FBXL7: variants seen among roughly 807,000 people sequenced by gnomAD.
FBXL7 encodes the protein F-box/LRR-repeat protein 7.
Under a neutral mutation model 38.3 loss-of-function variants are expected in FBXL7, and 12 were observed. That is an observed-to-expected ratio of 0.31 (90% CI 0.20 to 0.51). The LOEUF (loss-of-function observed/expected upper bound fraction) is 0.51. Among genes scored for constraint, FBXL7 ranks in the 20% least tolerant of loss-of-function variants. The pLI is 0.98. For synonymous variants in FBXL7, 297 were observed against 300.9 expected (o/e 0.99, Z 0.13); for missense variants, 567 against 676.4 (o/e 0.84, Z 1.79).
At chr5:15,509,977 T>C (rs978909763) in intron 1 of FBXL7, among the ~76,000 whole-genome samples, 3 of 152,206 alleles carry the variant, frequency 2.0e-5, no homozygotes, top group Non-Finnish European at 4.4e-5. Context: ...TTTTCCTGGG[T>C]AATGAAAAAC....
At chr5:15,669,880 A>G (rs1458104857) in intron 2 of FBXL7, among the ~76,000 whole-genome samples, 1 of 152,166 alleles carries the variant, frequency 6.6e-6, no homozygotes, top group Non-Finnish European at 1.5e-5. Flanking sequence ...ATATATCTCC[A>G]TTTCACTGAT....
intron 2 of FBXL7, among the ~76,000 whole-genome samples, chr5:15,670,427 A>G (rs1481918478): frequency 6.6e-6 from 1 of 152,200 alleles, no homozygotes; most frequent in African/African-American, 2.4e-5. Flanking sequence ...CCTTCATTAC[A>G]GCAGAGCCAT....
chr5:15,779,873 C>T (rs1361836694), intron 2 of FBXL7, among the ~76,000 whole-genome samples: 1 of 152,162 alleles, frequency 6.6e-6, no homozygotes, highest in Non-Finnish European at 1.5e-5. Flanking sequence ...GAACCACTTA[C>T]TCTTGGAATA....
At chr5:15,926,733 A>G (rs1741885493) in intron 2 of FBXL7, among the ~76,000 whole-genome samples, 1 of 152,138 alleles carries the variant, frequency 6.6e-6, no homozygotes, top group Non-Finnish European at 1.5e-5. Flanking sequence ...GTTAATAAGA[A>G]GAAAAAATAA....
chr5:15,525,677 T>C (rs1426420713), intron 1 of FBXL7, among the ~76,000 whole-genome samples: 1 of 152,148 alleles, frequency 6.6e-6, no homozygotes, highest in Non-Finnish European at 1.5e-5. Context: ...GGCATGCATC[T>C]GTAGCCAAGG....
chr5:15,654,900 T>C (rs1353817561), intron 2 of FBXL7, among the ~76,000 whole-genome samples: 1 of 152,242 alleles, frequency 6.6e-6, no homozygotes, highest in African/African-American at 2.4e-5. Flanking sequence ...ATAAACTACA[T>C]GTTGAAAATT....
intron 2 of FBXL7, among the ~76,000 whole-genome samples, chr5:15,881,331 C>T (rs919856615): frequency 2.6e-5 from 4 of 152,194 alleles, no homozygotes; most frequent in Admixed American, 6.5e-5. Flanking sequence ...CCAGTACCAT[C>T]CACGTTGCTG....
rs139057434 is a variant in FBXL7 at position 15,620,225 on chromosome 5, T to G, written c.127+4153T>G. On this transcript the variant is annotated intron_variant, in intron 2 of 3. Transcript: ENST00000504595. ...ATCTGAGTCATCACAAACTATTCTT[T>G]TTTTCTTTTTTTTTTTTTTTTGTTG... Among the ~76,000 whole-genome samples the G allele has an allele frequency of 6.6e-4, 98 of 149,482 alleles. 1 individual carries two copies. Among genetic ancestry groups the G allele is most frequent in the African/African-American group, 2.3e-3 (94 of 40,450 alleles).
chr5:15,890,607 C>T (rs111429307), intron 2 of FBXL7, among the ~76,000 whole-genome samples: 3 of 152,216 alleles, frequency 2.0e-5, no homozygotes, highest in East Asian at 1.9e-4. Flanking sequence ...CTAGGTTGCA[C>T]GCCCTTTATG....
At chr5:15,680,975 G>A (rs1336960927) in intron 2 of FBXL7, among the ~76,000 whole-genome samples, 1 of 152,080 alleles carries the variant, frequency 6.6e-6, no homozygotes, top group African/African-American at 2.4e-5. Context: ...ACAAAATGAT[G>A]ACTATCTTTT....
At chr5:15,771,792 T>G (rs1415469567) in intron 2 of FBXL7, among the ~76,000 whole-genome samples, 1 of 109,646 alleles carries the variant, frequency 9.1e-6, no homozygotes, top group South Asian at 3.2e-4. Flanking sequence ...TTTTTTTTTT[T>G]GAGACAGAGT....
intron 2 of FBXL7, among the ~76,000 whole-genome samples, chr5:15,890,398 C>A (rs1028502487): frequency 6.6e-6 from 1 of 151,998 alleles, no homozygotes; most frequent in Admixed American, 6.6e-5. Flanking sequence ...ACAGGCATGA[C>A]GCCCAGCTAA....
chr5:15,661,815 G>C (rs1742086000), intron 2 of FBXL7, among the ~76,000 whole-genome samples: 1 of 152,130 alleles, frequency 6.6e-6, no homozygotes, highest in African/African-American at 2.4e-5. Context: ...GTTTGCTAAG[G>C]ATATATTATG....
intron 2 of FBXL7, among the ~76,000 whole-genome samples, chr5:15,857,644 G>A (rs550851007): frequency 6.6e-6 from 1 of 152,326 alleles, no homozygotes; most frequent in Non-Finnish European, 1.5e-5. Context: ...TAGAAGATCA[G>A]GATCAAAGAT....
chr5:15,827,959 A>G (rs1561142070), intron 2 of FBXL7, among the ~76,000 whole-genome samples: 1 of 152,176 alleles, frequency 6.6e-6, no homozygotes, highest in Non-Finnish European at 1.5e-5. Context: ...TTGATCAAGC[A>G]TTTGTCCTTA....
intron 2 of FBXL7, among the ~76,000 whole-genome samples, chr5:15,687,630 G>A (rs1428069264): frequency 6.6e-6 from 1 of 152,170 alleles, no homozygotes; most frequent in Non-Finnish European, 1.5e-5. Context: ...TGAGAATTCA[G>A]CGGGAAATGG....
At chr5:15,594,379 C>A (rs1287990810) in intron 1 of FBXL7, among the ~76,000 whole-genome samples, 1 of 152,138 alleles carries the variant, frequency 6.6e-6, no homozygotes, top group African/African-American at 2.4e-5. Flanking sequence ...CTTGGGCGGT[C>A]CACGCTAGAA....
chr5:15,516,852 C>T (rs1736953976), intron 1 of FBXL7, among the ~76,000 whole-genome samples: 1 of 152,094 alleles, frequency 6.6e-6, no homozygotes, highest in African/African-American at 2.4e-5. Flanking sequence ...GCATTTGCTT[C>T]CCCTTCTGCC....
intron 2 of FBXL7, among the ~76,000 whole-genome samples, chr5:15,926,359 ATATATAT>A (rs931378587): frequency 6.8e-6 from 1 of 148,050 alleles, no homozygotes; most frequent in African/African-American, 2.5e-5. Flanking sequence ...TATTTATATA[ATATATAT>A]TATATAATAT....
Sources: allele counts gnomAD v4.1 joint callset (sites outside exome capture counted in the v4.1 genomes callset), GRCh38; gene constraint gnomAD v4.1.1; transcripts MANE v1.5; gene names NCBI Gene and HGNC (gene_info 2026-07-23, HGNC 2026-07-21).